LHFPL2: variants seen among roughly 807,000 people sequenced by gnomAD.
LHFPL2 encodes LHFPL tetraspan subfamily member 2 protein.
LHFPL2 carries 7 observed loss-of-function variants against 17.5 expected under a neutral mutation model. The ratio of observed to expected loss-of-function variants is 0.40; its 90% confidence interval spans 0.23 to 0.75. The LOEUF is 0.75. Ranked by LOEUF, LHFPL2 falls within the 30% of genes least tolerant of loss-of-function variation. The pLI, the probability that LHFPL2 is intolerant of heterozygous loss-of-function variation, is 0.37. For synonymous variants in LHFPL2, 134 were observed against 116.2 expected, an observed-to-expected ratio of 1.15 and a Z score of -0.99; for missense variants, 241 against 294.8, an observed-to-expected ratio of 0.82 and a Z score of 1.34.
At chr5:78,574,250 A>C (rs1347594849) in intron 2 of LHFPL2, among the ~76,000 whole-genome samples, 1 of 152,186 alleles carries the variant, frequency 6.6e-6, no homozygotes, top group Non-Finnish European at 1.5e-5. Flanking sequence ...TTAGCTGTTA[A>C]AGACGTGGGG....
chr5:78,572,444 G>GTA (rs575100281), intron 2 of LHFPL2, among the ~76,000 whole-genome samples: 183 of 150,162 alleles, frequency 1.2e-3, no homozygotes, highest in African/African-American at 4.2e-3. Context: ...GTATGTATGT[G>GTA]TATATATATG....
chr5:78,644,704 C>A (rs1745801155), intron 1 of LHFPL2: 3 of 274,682 alleles, frequency 1.1e-5, no homozygotes, highest in Non-Finnish European at 2.2e-5. Context: ...CATGGTCTTG[C>A]ACCTCTCTGA....
intron 3 of LHFPL2, among the ~76,000 whole-genome samples, chr5:78,526,181 C>T (rs1561322220): frequency 6.6e-6 from 1 of 152,164 alleles, no homozygotes; most frequent in Non-Finnish European, 1.5e-5. Context: ...TGCCTCCCCA[C>T]TCCTCCCCAC....
intron 2 of LHFPL2, among the ~76,000 whole-genome samples, chr5:78,566,269 A>G (rs1312486216): frequency 6.6e-6 from 1 of 152,256 alleles, no homozygotes; most frequent in African/African-American, 2.4e-5. Context: ...TAATATCAGC[A>G]GCACCAGTGT....
intron 2 of LHFPL2, among the ~76,000 whole-genome samples, chr5:78,584,616 C>T (rs184395578): frequency 3.8e-4 from 58 of 152,244 alleles, no homozygotes; most frequent in African/African-American, 1.4e-3. Flanking sequence ...GGTCAGGGAC[C>T]CACTTGAGGA....
chr5:78,639,405 G>A (rs1198560721), intron 1 of LHFPL2, among the ~76,000 whole-genome samples: 1 of 152,166 alleles, frequency 6.6e-6, no homozygotes, highest in Non-Finnish European at 1.5e-5. Context: ...CTTACCAAAA[G>A]GATTCAGATC....
At chr5:78,548,313 C>T (rs1355729548) in intron 3 of LHFPL2, among the ~76,000 whole-genome samples, 1 of 152,234 alleles carries the variant, frequency 6.6e-6, no homozygotes, top group Non-Finnish European at 1.5e-5. Context: ...ATGTTGTATC[C>T]AAGGAGCTGG....
rs1228114203 is a variant in LHFPL2, at chr5:78,500,036, A to G, written c.430+9748T>C. 2.0e-3 allele frequency among the ~76,000 whole-genome samples: 133 copies of G among 67,876 alleles called. 1 individual carries two copies. The highest frequency in any genetic ancestry group is 6.9e-3 in the African/African-American group (124 of 17,884). 44.5% of individuals were successfully genotyped at this position (67,876 alleles called of 152,430 possible). On this transcript the variant is annotated intron_variant, in intron 4 of 4. Coordinates refer to ENST00000380345, the MANE Select transcript of LHFPL2 (RefSeq NM_005779.3). Reference sequence around the variant, plus strand: ...ACTGGACCAAAAGGAAAAAAAAAAAAAGGCAGTATAATCAACTGACGACTT... The same window carrying G: ...ACTGGACCAAAAGGAAAAAAAAAAAGAGGCAGTATAATCAACTGACGACTT...
At chr5:78,646,560 C>T (rs981835934) in intron 1 of LHFPL2, among the ~76,000 whole-genome samples, 1 of 152,112 alleles carries the variant, frequency 6.6e-6, no homozygotes, top group African/African-American at 2.4e-5. Flanking sequence ...ATCTGGGAGC[C>T]CAATAGCCCA....
rs1334141420 is a variant in LHFPL2, at chr5:78,486,814, G to GGACTT, written c.*2078_*2082dup. 3.9e-5 allele frequency: 6 copies of GGACTT among 152,266 alleles called. No homozygotes were observed. The highest frequency in any genetic ancestry group is 1.4e-4 in the African/African-American group (6 of 41,544). 9.4% of individuals were successfully genotyped at this position (152,266 alleles called of 1,614,324 possible). ...ATGCTCGGAGGATCCTGTGAGCTTA[G>GGACTT]GACTTAACTTGTAAGGACACTGAGA... On this transcript the variant is annotated 3_prime_UTR_variant, in exon 5 of 5. Transcript: ENST00000380345.
rs536970810 is a variant in LHFPL2 at position 78,608,422 on chromosome 5, C to G, written c.-245+23842G>C. 1.3e-5 allele frequency among the ~76,000 whole-genome samples: 2 copies of G among 152,238 alleles called. 1 individual carries two copies. The highest frequency in any genetic ancestry group is 3.9e-4 in the East Asian group (2 of 5,186). On this transcript the variant is annotated intron_variant, in intron 2 of 4. Transcript: ENST00000380345. ...AAGGGCACTGTTTTACTTACACAAC[C>G]TCCATGTGACAATTATTTAAAATAC...
intron 2 of LHFPL2, among the ~76,000 whole-genome samples, chr5:78,614,425 A>G (rs1580859121): frequency 6.6e-6 from 1 of 152,208 alleles, no homozygotes; most frequent in Admixed American, 6.5e-5. Context: ...AAGCTCACTC[A>G]TTTTAAGAAA....
intron 3 of LHFPL2, among the ~76,000 whole-genome samples, chr5:78,523,766 G>A (rs1017069824): frequency 1.3e-5 from 2 of 152,078 alleles, no homozygotes; most frequent in Non-Finnish European, 2.9e-5. Flanking sequence ...AAAATGTTGC[G>A]CGCTGCAGTT....
rs139559214 is a variant in LHFPL2, at chr5:78,637,650, G to A, written c.-349-5282C>T. ...GGTTCAGCCCTGACATTTCTCAGCC[G>A]CCAGATGCCTATTCCATAGTCTCTT... On this transcript the variant is annotated intron_variant, in intron 1 of 4. Transcript: ENST00000380345. Among the ~76,000 whole-genome samples, 314 of 152,324 alleles carry A rather than the reference G, an allele frequency of 2.1e-3. 1 individual carries two copies. Among genetic ancestry groups the A allele is most frequent in the African/African-American group, 7.1e-3 (296 of 41,572 alleles).
rs541092265 is a variant in LHFPL2, at chr5:78,631,892, C to T, written c.-245+372G>A. ...TGGAGGTTGCAGTGAGCCAAGATCACGCCACTGCACTCCAGCCTGGCCTAC... is the reference window on the plus strand; with the variant it reads ...TGGAGGTTGCAGTGAGCCAAGATCATGCCACTGCACTCCAGCCTGGCCTAC... On this transcript the variant is annotated intron_variant, in intron 2 of 4. Transcript: ENST00000380345. Among the ~76,000 whole-genome samples, 17 of 148,144 alleles carry T rather than the reference C, an allele frequency of 1.1e-4. No homozygotes were observed. In the East Asian group the frequency reaches 3.0e-3, roughly 26 times the overall value.
intron 2 of LHFPL2, among the ~76,000 whole-genome samples, chr5:78,605,892 A>C (rs1371537967): frequency 6.6e-6 from 1 of 152,240 alleles, no homozygotes; most frequent in African/African-American, 2.4e-5. Flanking sequence ...GCTTTCACAC[A>C]CATGCTATTT....
At chr5:78,564,707 G>T (rs1416333571) in intron 3 of LHFPL2, 106 bp downstream of exon 3, 1 of 152,158 alleles carries the variant, frequency 6.6e-6, no homozygotes, top group East Asian at 1.9e-4. Context: ...ACCACACAGG[G>T]TTCAAAAGTT....
chr5:78,511,385 T>C (rs940110129), intron 3 of LHFPL2, among the ~76,000 whole-genome samples: 15 of 152,220 alleles, frequency 9.9e-5, no homozygotes, highest in African/African-American at 3.4e-4. Context: ...CCAGAAGACA[T>C]TGCTCCAGTG....
intron 2 of LHFPL2, among the ~76,000 whole-genome samples, chr5:78,566,156 G>A (rs1756854481): frequency 6.6e-6 from 1 of 152,148 alleles, no homozygotes; most frequent in East Asian, 1.9e-4. Flanking sequence ...AAGTCCACAT[G>A]CTTATTTTCT....
Sources: allele counts gnomAD v4.1 joint callset (sites outside exome capture counted in the v4.1 genomes callset), GRCh38; gene constraint gnomAD v4.1.1; transcripts MANE v1.5; gene names NCBI Gene and HGNC (gene_info 2026-07-23, HGNC 2026-07-21).